The following SCN10A variants were observed in gnomAD, a reference collection of about 807,000 sequenced individuals.
SCN10A encodes the protein sodium voltage-gated channel alpha subunit 10, also known as sodium channel protein type 10 subunit alpha.
SCN10A carries 162 observed loss-of-function variants against 170.7 expected under a neutral mutation model. The ratio of observed to expected loss-of-function variants is 0.95; its 90% confidence interval spans 0.84 to 1.08. The LOEUF is 1.08. SCN10A is among the 50% of genes least tolerant of loss of function. The probability of loss-of-function intolerance (pLI) is 0.00; values close to 1 mark genes in which losing one functional copy is unlikely to be tolerated. For synonymous variants in SCN10A, 985 were observed against 904.6 expected (o/e 1.09, Z -1.59); for missense variants, 2,527 against 2,436.9 (o/e 1.04, Z -0.78).
intron 15 of SCN10A, among the ~76,000 whole-genome samples, chr3:38,732,282 C>T (rs1198029666): frequency 6.6e-6 from 1 of 152,204 alleles, no homozygotes; most frequent in Non-Finnish European, 1.5e-5. Flanking sequence ...AAGTAATATA[C>T]ATGACTTTTA....
At chr3:38,752,745 C>T (rs1029425752) in intron 11 of SCN10A, among the ~76,000 whole-genome samples, 3 of 152,178 alleles carry the variant, frequency 2.0e-5, no homozygotes, top group Non-Finnish European at 4.4e-5. Flanking sequence ...GAGATTACAG[C>T]GTGCTGATGC....
At position 38,754,036 on chromosome 3, in the gene SCN10A, G is replaced by A. The variant is rs576646549; in HGVS notation, c.1462-1524C>T. 8.1e-4 allele frequency among the ~76,000 whole-genome samples: 123 copies of A among 152,312 alleles called. 1 individual carries two copies. The highest frequency in any genetic ancestry group is 6.8e-3 in the Middle Eastern group (2 of 294). ...GTACCTGGGAAAAGAGGGAGAGGAT[G>A]CCTTCCTGAGTGGGCTCCAATAAAT... On this transcript the variant is annotated intron_variant, in intron 11 of 27. Coordinates refer to ENST00000449082, the MANE Select transcript of SCN10A (RefSeq NM_006514.4).
chr3:38,776,998 T>C (rs1414867356), intron 4 of SCN10A, among the ~76,000 whole-genome samples: 2 of 151,970 alleles, frequency 1.3e-5, no homozygotes, highest in Non-Finnish European at 2.9e-5. Flanking sequence ...ATGATGAAAG[T>C]CTCAACAAAC....
chr3:38,763,726 C>T (rs2063901817), intron 5 of SCN10A, 130 bp from the exon 6 acceptor site: 1 of 679,562 alleles, frequency 1.5e-6, no homozygotes, highest in Middle Eastern at 3.8e-4. Context: ...AATCTAGTGA[C>T]ACTGCCATCT....
At chr3:38,756,639 C>A in intron 10 of SCN10A, 35 bp downstream of exon 10, 4 of 1,566,124 alleles carry the variant, frequency 2.6e-6, no homozygotes, top group Middle Eastern at 2.0e-4. Flanking sequence ...GGACAGTCTG[C>A]AACCTTCTTC....
chr3:38,700,275 A>G (rs1471681092), intron 27 of SCN10A, among the ~76,000 whole-genome samples: 1 of 152,306 alleles, frequency 6.6e-6, no homozygotes, highest in East Asian at 1.9e-4. Flanking sequence ...GGTGGTTTCC[A>G]GGAGCTGGGA....
chr3:38,698,435 T>C lies in SCN10A; in HGVS notation c.4785A>G (p.Thr1595=), dbSNP rs776278401. 9 of 1,614,130 alleles carry C rather than the reference T, an allele frequency of 5.6e-6. No individual in the cohort carries two copies. In the Admixed American group the frequency reaches 8.3e-5, roughly 15 times the overall value. ...RLIRAAKGIR[T]LLFALMMSLP... ...GGGACATCATGAGGGCAAAGAGCAG[T>C]GTGCGGATCCCCTTGGCCGCTCGGA... The change falls in exon 28 of 28, where the codon ACA becomes ACG. Residue 1595 remains threonine (T), a synonymous_variant. Coordinates refer to ENST00000449082, the MANE Select transcript of SCN10A (RefSeq NM_006514.4).
intron 25 of SCN10A, among the ~76,000 whole-genome samples, chr3:38,707,964 G>A (rs74445516): frequency 0.044 from 6,684 of 152,092 alleles, 268 homozygotes; most frequent in African/African-American, 0.11. Flanking sequence ...CTGCACCAAC[G>A]AAGATGTTTT....
chr3:38,781,662 T>C (rs1315851696), intron 4 of SCN10A, among the ~76,000 whole-genome samples: 1 of 152,174 alleles, frequency 6.6e-6, no homozygotes, highest in Non-Finnish European at 1.5e-5. Flanking sequence ...CATGGATTTT[T>C]ATGCTACAGG....
Position 38,752,386 on chromosome 3 carries a change from G to T in SCN10A, c.1588C>A (p.His530Asn). ...AGCAGAGAGCCCCGATGGCTTTCGT[G>T]GTCTCCAGGAAAGACTCCATCATCT... Reference protein sequence around the residue: ...VTDDGVFPGDHESHRGSLLLG... With the variant: ...VTDDGVFPGDNESHRGSLLLG... The change falls in exon 12 of 28, where the codon CAC becomes AAC. Residue 530 changes from histidine (H) to asparagine (N), a missense_variant. Transcript: ENST00000449082. 6.2e-7 allele frequency: 1 copy of T among 1,613,968 alleles called. No individual in the cohort carries two copies. Among genetic ancestry groups the T allele is most frequent in the Non-Finnish European group, 8.5e-7 (1 of 1,179,964 alleles).
Position 38,728,773 on chromosome 3 carries a change from C to A in SCN10A, c.2409G>T (p.Leu803=), listed in dbSNP as rs769245631. 6.2e-7 allele frequency: 1 copy of A among 1,614,138 alleles called. No homozygotes were observed. Residue 803 remains leucine (L), a synonymous_variant, in exon 16 of 28, where the codon CTG becomes CTT. Transcript: ENST00000449082. ...TTTCCCCTAGGAGCTGCTTGCCAAC[C>A]AGAGCAAAGACAAAGACAATGATGG... ...ILAIIVFVFA[L]VGKQLLGENY...
At chr3:38,719,413 A>T (rs1358075830) in intron 20 of SCN10A, among the ~76,000 whole-genome samples, 2 of 69,898 alleles carry the variant, frequency 2.9e-5, no homozygotes, top group South Asian at 5.5e-4. Flanking sequence ...TTTTTTTTTG[A>T]GACGGAGTCT....
Position 38,697,459 on chromosome 3 carries a change from A to G in SCN10A, c.5761T>C (p.Tyr1921His). 6.2e-7 allele frequency: 1 copy of G among 1,614,210 alleles called. No individual in the cohort carries two copies. Among genetic ancestry groups the G allele is most frequent in the Non-Finnish European group, 8.5e-7 (1 of 1,180,040 alleles). Residue 1921 changes from tyrosine (Y) to histidine (H), a missense_variant, in exon 28 of 28, where the codon TAT becomes CAT. Transcript: ENST00000449082. ...CTAAGGCCTCTAGTGACACTCTCAT[A>G]GGACGGTGGGAATGATGTGGCAGAA... ...TASATSFPPS[Y>H]ESVTRGLSDR...
chr3:38,699,435 G>A (rs1246706702), intron 27 of SCN10A, among the ~76,000 whole-genome samples: 1 of 152,126 alleles, frequency 6.6e-6, no homozygotes, highest in Non-Finnish European at 1.5e-5. Context: ...ATGAGGCAAG[G>A]CCTTTAGGTA....
intron 1 of SCN10A, 115 bp from the exon 2 acceptor site, chr3:38,794,157 C>A: frequency 1.4e-6 from 1 of 722,818 alleles, no homozygotes; most frequent in Non-Finnish European, 2.3e-6. Context: ...CATATCTGGC[C>A]CCTCCCTGAA....
Position 38,725,315 on chromosome 3 carries a change from C to T in SCN10A, c.3088-1G>A. 1 of 1,575,370 alleles carries T rather than the reference C, an allele frequency of 6.3e-7. No homozygotes were observed. ...TCTCGACTTGCTGCAGCTGCTCCTG[C>T]TAGTGAGAGAGGGTCCCAACTGGGT... On this transcript the variant is annotated splice_acceptor_variant, in intron 17 of 27. Transcript: ENST00000449082. LOFTEE classifies it high-confidence loss of function.
chr3:38,778,164 G>A (rs561249795), intron 4 of SCN10A, among the ~76,000 whole-genome samples: 24 of 152,072 alleles, frequency 1.6e-4, no homozygotes, highest in Non-Finnish European at 2.4e-4. Context: ...CCACTTCCCC[G>A]TTTGCAGTAG....
chr3:38,731,680 G>A (rs907886404), intron 15 of SCN10A, among the ~76,000 whole-genome samples: 2 of 152,192 alleles, frequency 1.3e-5, no homozygotes, highest in Non-Finnish European at 2.9e-5. Flanking sequence ...TGCAGAATGA[G>A]CTTGCTGACG....
intron 23 of SCN10A, among the ~76,000 whole-genome samples, chr3:38,711,695 G>A (rs2063275789): frequency 1.3e-5 from 2 of 152,202 alleles, no homozygotes; most frequent in Non-Finnish European, 1.5e-5. Flanking sequence ...GGTAGATGAA[G>A]GCAAGAAATG....
Sources: gnomAD v4.1 joint callset for allele counts (sites outside exome capture counted in the v4.1 genomes callset) on GRCh38, gnomAD v4.1.1 for gene constraint, MANE v1.5 for transcripts, NCBI Gene and HGNC (gene_info 2026-07-23, HGNC 2026-07-21) for gene names.